Variants in PCDHGB5 observed in about 807,000 individuals in gnomAD.
PCDHGB5 encodes protocadherin gamma subfamily B, 5.
PCDHGB5 carries 48 observed loss-of-function variants against 62.9 expected under a neutral mutation model. The ratio of observed to expected loss-of-function variants is 0.76; its 90% CI spans 0.61 to 0.97. PCDHGB5 has a LOEUF of 0.97. Among genes scored for constraint, PCDHGB5 ranks in the 50% least tolerant of loss-of-function variants. The pLI is 0.00. For missense variants in PCDHGB5, 1,118 were observed against 1,198.6 expected (o/e 0.93, Z 0.99); for synonymous variants, 474 against 511.2 (o/e 0.93, Z 0.98).
intron 1 of PCDHGB5, chr5:141,418,929 T>A: frequency 6.2e-7 from 1 of 1,614,034 alleles, no homozygotes; most frequent in Non-Finnish European, 8.5e-7. Flanking sequence ...GATCAGATTA[T>A]GGAGGATTCC....
intron 1 of PCDHGB5, chr5:141,421,852 C>T: frequency 6.2e-7 from 1 of 1,613,770 alleles, no homozygotes; most frequent in South Asian, 1.1e-5. Context: ...AGAGGCTGCT[C>T]ACCTGCTCCT....
chr5:141,425,881 A>T (rs911454948), intron 1 of PCDHGB5, among the ~76,000 whole-genome samples: 1 of 152,230 alleles, frequency 6.6e-6, no homozygotes, highest in Non-Finnish European at 1.5e-5. Flanking sequence ...TCTCTAAGGA[A>T]TCTTCTTTGG....
intron 1 of PCDHGB5, among the ~76,000 whole-genome samples, chr5:141,473,915 A>G (rs1366378437): frequency 3.3e-5 from 5 of 152,162 alleles, no homozygotes; most frequent in Non-Finnish European, 5.9e-5. Flanking sequence ...GTCTTAAGAA[A>G]ACTATGAGCT....
intron 1 of PCDHGB5, among the ~76,000 whole-genome samples, chr5:141,448,931 C>G (rs966398044): frequency 1.3e-5 from 2 of 152,040 alleles, no homozygotes; most frequent in African/African-American, 4.8e-5. Context: ...GGCGACAGAG[C>G]AAGACTGCAA....
Position 141,399,665 on chromosome 5 carries a change from A to T in PCDHGB5, c.1538A>T (p.Gln513Leu). The T allele has an allele frequency of 8.7e-6, 14 of 1,613,648 alleles. No homozygotes were observed. The highest frequency in any genetic ancestry group is 1.2e-5 in the Non-Finnish European group (14 of 1,179,874). The change falls in exon 1 of 4, where the codon CAG becomes CTG. Residue 513 changes from glutamine (Q) to leucine (L), a missense_variant. Transcript: ENST00000617380. ...MSAQSGVVFA[Q>L]RAFDYEQLRT... ...GCGCAAAGTGGGGTGGTGTTCGCGC[A>T]GCGCGCCTTTGACTACGAGCAGCTG...
intron 1 of PCDHGB5, among the ~76,000 whole-genome samples, chr5:141,436,531 G>A (rs1365651055): frequency 2.6e-5 from 4 of 152,152 alleles, no homozygotes; most frequent in South Asian, 2.1e-4. Flanking sequence ...CCTTTAGCAA[G>A]TTATTTAATC....
chr5:141,432,335 C>T lies in PCDHGB5; in HGVS notation c.2397+31811C>T, dbSNP rs146691720. On this transcript the variant is annotated intron_variant, in intron 1 of 3. Coordinates refer to ENST00000617380, the MANE Select transcript of PCDHGB5 (RefSeq NM_018925.3). This position sits in a 1 kb window ranked among gnomAD's most constrained non-coding sequence, Gnocchi z 6.0. ...GAGCTCCTTCGACTACGAGCAGTTC[C>T]GAGACTTGCAAGTGAAAGTGATGGC... 2.6e-5 allele frequency: 42 copies of T among 1,614,126 alleles called. No individual in the cohort carries two copies. Among genetic ancestry groups the T allele is most frequent in the African/African-American group, 1.2e-4 (9 of 74,940 alleles).
chr5:141,446,936 C>G (rs935365668), intron 1 of PCDHGB5, among the ~76,000 whole-genome samples: 3 of 152,176 alleles, frequency 2.0e-5, no homozygotes, highest in African/African-American at 7.2e-5. Context: ...CTCTTTTTCA[C>G]TGTAAGAAAC....
At chr5:141,505,202 T>C (rs778935321) in intron 2 of PCDHGB5, among the ~76,000 whole-genome samples, 191 bp from the exon 3 acceptor site, 3 of 152,012 alleles carry the variant, frequency 2.0e-5, no homozygotes, top group Non-Finnish European at 4.4e-5. Flanking sequence ...AAAGAGCTGG[T>C]TTGAGGGACT....
Position 141,432,244 on chromosome 5 carries a change from C to T in PCDHGB5, c.2397+31720C>T. 1 of 1,614,262 alleles carries T rather than the reference C, an allele frequency of 6.2e-7. No homozygotes were observed. Among genetic ancestry groups the T allele is most frequent in the Non-Finnish European group, 8.5e-7 (1 of 1,180,048 alleles). On this transcript the variant is annotated intron_variant, in intron 1 of 3. Coordinates refer to ENST00000617380, the MANE Select transcript of PCDHGB5 (RefSeq NM_018925.3). The surrounding 1 kb of genome is among the most constrained non-coding windows in gnomAD (Gnocchi z 6.0). ...TCACTTATTCCCTGGCTGAGAACAC[C>T]ATCCAAGGGGCAAGCCTATCGTCCT...
chr5:141,477,221 A>G lies in PCDHGB5; in HGVS notation c.2398-17586A>G, dbSNP rs771608717. 1 of 1,614,178 alleles carries G rather than the reference A, an allele frequency of 6.2e-7. No homozygotes were observed. The highest frequency in any genetic ancestry group is 8.5e-7 in the Non-Finnish European group (1 of 1,180,044). ...AGTACCCGAGGATGCCCCTCTGGGG[A>G]CTGTCATCGCTTTGCTCAGTGTGAC... On this transcript the variant is annotated intron_variant, in intron 1 of 3. Coordinates refer to ENST00000617380, the MANE Select transcript of PCDHGB5 (RefSeq NM_018925.3). This position sits in a 1 kb window ranked among gnomAD's most constrained non-coding sequence, Gnocchi z 4.9.
rs888556794 is a variant in PCDHGB5 at position 141,493,414 on chromosome 5, A to T, written c.2398-1393A>T. Among the ~76,000 whole-genome samples, 2 of 152,058 alleles carry T rather than the reference A, an allele frequency of 1.3e-5. No individual in the cohort carries two copies. Among genetic ancestry groups the T allele is most frequent in the Admixed American group, 6.6e-5 (1 of 15,248 alleles). ...GGAGAGGGGAGTTGCCTCTGCTGGG[A>T]TTTTGCTTCTGCTGGGATGGGGCAA... On this transcript the variant is annotated intron_variant, in intron 1 of 3. Coordinates refer to ENST00000617380, the MANE Select transcript of PCDHGB5 (RefSeq NM_018925.3). The surrounding 1 kb of genome is among the most constrained non-coding windows in gnomAD (Gnocchi z 4.3).
intron 1 of PCDHGB5, among the ~76,000 whole-genome samples, chr5:141,483,553 C>G (rs955671854): frequency 2.0e-5 from 3 of 152,230 alleles, no homozygotes; most frequent in Admixed American, 2.0e-4. Context: ...CAGTGCCATT[C>G]ACAGAGACAG....
chr5:141,508,740 C>G (rs2099871405), intron 3 of PCDHGB5, among the ~76,000 whole-genome samples: 1 of 152,006 alleles, frequency 6.6e-6, no homozygotes. Flanking sequence ...CACCCCCCAC[C>G]CCGCTCTTTC....
At chr5:141,451,302 G>A (rs1445994098) in intron 1 of PCDHGB5, among the ~76,000 whole-genome samples, 1 of 152,208 alleles carries the variant, frequency 6.6e-6, no homozygotes, top group Non-Finnish European at 1.5e-5. Context: ...GTCTTACAAG[G>A]CAGCAATTAA....
intron 1 of PCDHGB5, chr5:141,419,444 G>A: frequency 6.2e-7 from 1 of 1,613,088 alleles, no homozygotes; most frequent in Non-Finnish European, 8.5e-7. Context: ...GCGCACCTTC[G>A]AGCTCACGCT....
rs1589315775 is a variant in PCDHGB5, at chr5:141,398,009, C to A, written c.-119C>A. On this transcript the variant is annotated 5_prime_UTR_variant, in exon 1 of 4. Coordinates refer to ENST00000617380, the MANE Select transcript of PCDHGB5 (RefSeq NM_018925.3). ...ACCGCTTCCTCCTCGGAAAAAGAATCGTTTCCTAAACTGGAACTGGAACTA... is the reference window on the plus strand; with the variant it reads ...ACCGCTTCCTCCTCGGAAAAAGAATAGTTTCCTAAACTGGAACTGGAACTA... 4.3e-6 allele frequency: 6 copies of A among 1,400,558 alleles called. No homozygotes were observed. Among genetic ancestry groups the A allele is most frequent in the East Asian group, 5.1e-5 (2 of 39,600 alleles). The allele number at this position is 1,400,558 out of a possible 1,614,324, so 86.8% of individuals were successfully genotyped here.
At chr5:141,428,754 T>C (rs932377392) in intron 1 of PCDHGB5, 7 of 154,708 alleles carry the variant, frequency 4.5e-5, no homozygotes, top group African/African-American at 1.4e-4. Context: ...TTGCTTCAGG[T>C]TTGTTTGCCC....
chr5:141,491,293 C>T lies in PCDHGB5; in HGVS notation c.2398-3514C>T. On this transcript the variant is annotated intron_variant, in intron 1 of 3. Transcript: ENST00000617380. This position sits in a 1 kb window ranked among gnomAD's most constrained non-coding sequence, Gnocchi z 6.9. Reference sequence around the variant, plus strand: ...ATCCAGTGACTTCCTCATACACCCTCCTGAGCGTTCAGACCTTACCCTTTA... The same window carrying T: ...ATCCAGTGACTTCCTCATACACCCTTCTGAGCGTTCAGACCTTACCCTTTA... 6.2e-7 allele frequency: 1 copy of T among 1,614,166 alleles called. No homozygotes were observed. The highest frequency in any genetic ancestry group is 1.3e-5 in the African/African-American group (1 of 75,058).
Sources: gnomAD v4.1 joint callset for allele counts (sites outside exome capture counted in the v4.1 genomes callset) on GRCh38, gnomAD v4.1.1 for gene constraint, Gnocchi (gnomAD v3.1) non-coding constraint, MANE v1.5 for transcripts, NCBI Gene and HGNC (gene_info 2026-07-23, HGNC 2026-07-21) for gene names.